The following NIN variants were observed in gnomAD, a reference collection of about 807,000 sequenced individuals.
The protein encoded by NIN is ninein, also known as glycogen synthase kinase 3 beta-interacting protein.
A neutral mutation model predicts 257.6 loss-of-function variants in NIN; 137 were observed. The observed-to-expected ratio is 0.53, with a 90% CI of 0.46 to 0.61. NIN has a LOEUF of 0.61. Ranked by LOEUF, NIN falls within the 20% of genes least tolerant of loss-of-function variation. NIN has a pLI of 0.00. For synonymous variants in NIN, 918 were observed against 919.8 expected (o/e 1.00, Z 0.04); for missense variants, 2,439 against 2,501.2 (o/e 0.98, Z 0.53).
chr14:50,770,468 G>A lies in NIN; in HGVS notation c.1354C>T (p.Arg452Cys), dbSNP rs772808246. 1.1e-5 allele frequency: 18 copies of A among 1,614,062 alleles called. No homozygotes were observed. The highest frequency in any genetic ancestry group is 1.5e-5 in the Non-Finnish European group (18 of 1,180,028). Reference protein sequence around the residue: ...EQILQQAGKQRLELEQEIEKA... With the variant: ...EQILQQAGKQCLELEQEIEKA... ...TCAATTTCCTGTTCAAGTTCTAAACGCTGCTTGCCTGCCTGCTGCAGGATC... is the reference window on the plus strand; with the variant it reads ...TCAATTTCCTGTTCAAGTTCTAAACACTGCTTGCCTGCCTGCTGCAGGATC... The change falls in exon 12 of 31, where the codon CGT (arginine) becomes TGT (cysteine). Residue 452 changes from arginine (R) to cysteine (C), a missense_variant. By Grantham distance (180) the Arg-to-Cys change is radical (BLOSUM62 -3). Transcript: ENST00000530997.
chr14:50,777,022 C>T lies in NIN; in HGVS notation c.593G>A (p.Arg198His), dbSNP rs759230462. ...CTTCTTCCGGTTCAGGTGACCATCA[C>T]GGGTGATCCCCAAATCTTCACAAAC... The part of the protein sequence containing the change: ...QEVCEDLGIT[R>H]DGHLNRKKLV... The change falls in exon 7 of 31, where the codon CGT (arginine) becomes CAT (histidine). Residue 198 changes from arginine (R) to histidine (H), a missense_variant. Transcript: ENST00000530997. 14 of 1,614,088 alleles carry T rather than the reference C, an allele frequency of 8.7e-6. No homozygotes were observed. The highest frequency in any genetic ancestry group is 1.2e-5 in the Non-Finnish European group (14 of 1,180,034).
At chr14:50,764,174 GAC>G (rs2042385699) in intron 14 of NIN, among the ~76,000 whole-genome samples, 1 of 152,146 alleles carries the variant, frequency 6.6e-6, no homozygotes, top group Non-Finnish European at 1.5e-5. Context: ...TCAATAATAA[GAC>G]AATTTTAAAA....
chr14:50,738,366 T>A, intron 26 of NIN, 80 bp from the exon 27 acceptor site: 1 of 1,256,564 alleles, frequency 8.0e-7, no homozygotes, highest in Non-Finnish European at 1.1e-6. Flanking sequence ...GGGAAAGTTT[T>A]AATTCAGTAC....
intron 4 of NIN, among the ~76,000 whole-genome samples, chr14:50,798,553 T>C (rs1474244658): frequency 1.3e-5 from 2 of 152,224 alleles, no homozygotes; most frequent in Non-Finnish European, 2.9e-5. Flanking sequence ...TATATAATTG[T>C]TTCCCCAACC....
At position 50,752,593 on chromosome 14, in the gene NIN, T is replaced by C; in HGVS notation, c.4875A>G (p.Pro1625=). 1.9e-6 allele frequency: 3 copies of C among 1,614,170 alleles called. No individual in the cohort carries two copies. The highest frequency in any genetic ancestry group is 2.5e-6 in the Non-Finnish European group (3 of 1,180,010). ...CCCGTTCCTCCAATGCACTGTTTCC[T>C]GGCTCTTTTTCCTTCTGGCATAGCA... ...TEMLCQKEKE[P]GNSALEEREQ... is the part of the protein sequence containing the mutation. The change falls in exon 21 of 31, where the codon CCA becomes CCG. Residue 1625 remains proline, a synonymous_variant. Transcript: ENST00000530997.
chr14:50,752,684 T>A lies in NIN; in HGVS notation c.4784A>T (p.Glu1595Val). The A allele has an allele frequency of 4.3e-6, 7 of 1,611,390 alleles. No individual in the cohort carries two copies. Among genetic ancestry groups the A allele is most frequent in the Non-Finnish European group, 5.9e-6 (7 of 1,178,852 alleles). Residue 1595 changes from glutamate to valine, a missense_variant, in exon 21 of 31, where the codon GAA becomes GTA. Physicochemically the swap from Glu to Val is moderately radical, Grantham distance 121 (BLOSUM62 -2). Coordinates refer to ENST00000530997, the MANE Select transcript of NIN (RefSeq NM_020921.4). ...KNQQLDLENT[E>V]LSQKNSQNQE... ...GTTTTGAGAGTTCTTTTGGCTAAGT[T>A]CTGTATTTTCCAAATCCAATTGTTG...
In NIN at chr14:50,727,639, T is replaced by G. The variant is rs749370425; in HGVS notation, c.6079-1573A>C. Reference sequence around the variant, plus strand: ...TGTGGTGTGTGTGCATGGGTGGGTGTGTGCATCTGTCTGCCATGGTAAGAA... The same window carrying G: ...TGTGGTGTGTGTGCATGGGTGGGTGGGTGCATCTGTCTGCCATGGTAAGAA... On this transcript the variant is annotated intron_variant, in intron 29 of 30. Coordinates refer to ENST00000530997, the MANE Select transcript of NIN (RefSeq NM_020921.4). 8.3e-6 allele frequency: 12 copies of G among 1,443,950 alleles called. No homozygotes were observed. The Admixed American group carries it at 2.2e-4, about 26-fold the overall frequency. 89.4% of individuals were successfully genotyped at this position (1,443,950 alleles called of 1,614,324 possible).
chr14:50,734,509 A>C (rs527716454), intron 28 of NIN, among the ~76,000 whole-genome samples: 64 of 152,324 alleles, frequency 4.2e-4, no homozygotes, highest in South Asian at 2.1e-3. Flanking sequence ...TAGTTCACTA[A>C]ATGTTAGATT....
At chr14:50,734,276 G>A (rs2040866409) in intron 28 of NIN, among the ~76,000 whole-genome samples, 2 of 151,930 alleles carry the variant, frequency 1.3e-5, no homozygotes. Flanking sequence ...ATTTTTAGTA[G>A]AGACAGGGTT....
intron 3 of NIN, among the ~76,000 whole-genome samples, chr14:50,808,453 A>G (rs2044431579): frequency 6.6e-6 from 1 of 152,174 alleles, no homozygotes; most frequent in Non-Finnish European, 1.5e-5. Context: ...AGGACACACA[A>G]AGGCTTTATA....
intron 4 of NIN, among the ~76,000 whole-genome samples, chr14:50,797,289 A>C (rs2043882364): frequency 6.6e-6 from 1 of 152,214 alleles, no homozygotes; most frequent in Non-Finnish European, 1.5e-5. Context: ...GATGAAGAAG[A>C]AAACCCTGTC....
chr14:50,819,850 G>A (rs909128234), intron 3 of NIN, among the ~76,000 whole-genome samples: 6 of 152,186 alleles, frequency 3.9e-5, no homozygotes, highest in African/African-American at 1.4e-4. Flanking sequence ...GAAGAAAGAT[G>A]ACTGGCAGTA....
Position 50,732,624 on chromosome 14 carries a change from T to G in NIN, c.5877+2892A>C, listed in dbSNP as rs1383782008. Among the ~76,000 whole-genome samples the G allele has an allele frequency of 3.3e-5, 5 of 152,240 alleles. No homozygotes were observed. In the South Asian group the frequency reaches 6.2e-4, roughly 19 times the overall value. On this transcript the variant is annotated intron_variant, in intron 28 of 30. Transcript: ENST00000530997. ...TGTTAGGTATATATTTATCACAGGT[T>G]AAAAATTAATATACTAAAAACCATT... is the stretch of plus-strand genomic sequence containing the variant.
intron 24 of NIN, chr14:50,742,066 G>T (rs572348937): frequency 6.1e-4 from 127 of 207,494 alleles, no homozygotes; most frequent in Admixed American, 6.4e-4. Flanking sequence ...TTTAGCCTAT[G>T]ATGTTGGACT....
chr14:50,752,934 G>A (rs938750485), intron 20 of NIN, among the ~76,000 whole-genome samples: 1 of 152,110 alleles, frequency 6.6e-6, no homozygotes, highest in Non-Finnish European at 1.5e-5. Flanking sequence ...GAGACACTCA[G>A]TCTGACCCCA....
chr14:50,777,189 G>T, intron 6 of NIN, 50 bp from the exon 7 acceptor site: 7 of 1,402,472 alleles, frequency 5.0e-6, no homozygotes, highest in South Asian at 1.4e-5. Flanking sequence ...TGCAAAGAGA[G>T]AGTGCCTATT....
chr14:50,803,752 T>G (rs1450037852), intron 4 of NIN, among the ~76,000 whole-genome samples: 1 of 152,186 alleles, frequency 6.6e-6, no homozygotes, highest in Non-Finnish European at 1.5e-5. Flanking sequence ...ATTTAAGGGA[T>G]AGTTACTTCC....
At chr14:50,735,687 GACAA>G in intron 27 of NIN, 70 bp from the exon 28 acceptor site, 1 of 1,506,910 alleles carries the variant, frequency 6.6e-7, no homozygotes, top group East Asian at 2.4e-5. Flanking sequence ...ACTTTATTTT[GACAA>G]ATCTGTGCTT....
chr14:50,739,271 T>C, intron 26 of NIN, 37 bp downstream of exon 26: 1 of 1,599,760 alleles, frequency 6.3e-7, no homozygotes, highest in Non-Finnish European at 8.6e-7. Context: ...CTAGTCATTT[T>C]CAAACATATG....
Sources: gnomAD v4.1 joint callset for allele counts (sites outside exome capture counted in the v4.1 genomes callset) on GRCh38, gnomAD v4.1.1 for gene constraint, MANE v1.5 for transcripts, NCBI Gene and HGNC (gene_info 2026-07-23, HGNC 2026-07-21) for gene names.